Variants in SYT16 observed in about 807,000 individuals in gnomAD.
The protein encoded by SYT16 is synaptotagmin 16.
A neutral mutation model predicts 61.4 loss-of-function variants in SYT16; 42 were observed. The observed-to-expected ratio is 0.68, with a 90% CI of 0.53 to 0.89. The LOEUF is 0.89. Among genes scored for constraint, SYT16 ranks in the 40% least tolerant of loss-of-function variants. SYT16 has a pLI of 0.00. For synonymous variants in SYT16, 314 were observed against 302.3 expected, an observed-to-expected ratio of 1.04 and a Z score of -0.40; for missense variants, 804 against 807.3, an observed-to-expected ratio of 1.00 and a Z score of 0.05.
chr14:62,084,220 T>A lies in SYT16; in HGVS notation c.1459T>A (p.Ser487Thr). ...ISSGGSPLSPSAVSHSDSTSS... is the reference protein window; with the variant it reads ...ISSGGSPLSPTAVSHSDSTSS... ...GAGTGGAGGGTCTCCGCTCAGCCCA[T>A]CTGCGGTTTCTCACAGTGATAGTAC... The change falls in exon 7 of 8, where the codon TCT becomes ACT. Residue 487 changes from serine to threonine, a missense_variant. By Grantham distance (58) the Ser-to-Thr change is moderately conservative. Coordinates refer to ENST00000683842, the MANE Select transcript of SYT16 (RefSeq NM_001367656.1). 2 of 1,613,842 alleles carry A rather than the reference T, an allele frequency of 1.2e-6. No homozygotes were observed. Among genetic ancestry groups the A allele is most frequent in the Non-Finnish European group, 1.7e-6 (2 of 1,179,822 alleles).
chr14:62,008,331 C>A (rs1183222516), intron 3 of SYT16, among the ~76,000 whole-genome samples: 1 of 152,066 alleles, frequency 6.6e-6, no homozygotes, highest in African/African-American at 2.4e-5. Flanking sequence ...ATGCTAAGGG[C>A]TGGTCTAGGT....
intron 1 of SYT16, among the ~76,000 whole-genome samples, chr14:61,911,751 C>T (rs1034588455): frequency 2.2e-4 from 33 of 152,164 alleles, no homozygotes; most frequent in Admixed American, 1.4e-3. Flanking sequence ...ATTGGCCACT[C>T]GGTGCAGTGA....
At chr14:61,898,261 T>G (rs942933892) in intron 1 of SYT16, among the ~76,000 whole-genome samples, 1 of 152,196 alleles carries the variant, frequency 6.6e-6, no homozygotes, top group Non-Finnish European at 1.5e-5. Flanking sequence ...ACTCCTACCT[T>G]ATCCTAGTTT....
intron 2 of SYT16, among the ~76,000 whole-genome samples, chr14:61,971,236 T>C (rs1186161880): frequency 6.6e-6 from 1 of 152,206 alleles, no homozygotes; most frequent in Non-Finnish European, 1.5e-5. Flanking sequence ...TTATAACAAA[T>C]TATCCCAAGA....
intron 1 of SYT16, among the ~76,000 whole-genome samples, 175 bp from the exon 2 acceptor site, chr14:61,969,957 T>A (rs1453846150): frequency 1.3e-5 from 2 of 152,186 alleles, no homozygotes; most frequent in Non-Finnish European, 2.9e-5. Flanking sequence ...GTCCTTTTCC[T>A]TTCCCCAGTA....
At chr14:62,043,981 A>G (rs1397059307) in intron 3 of SYT16, among the ~76,000 whole-genome samples, 1 of 152,130 alleles carries the variant, frequency 6.6e-6, no homozygotes, top group Non-Finnish European at 1.5e-5. Context: ...CCTATGCTAT[A>G]GGCTCTTATT....
At chr14:61,984,266 T>C (rs2052209969) in intron 2 of SYT16, among the ~76,000 whole-genome samples, 1 of 152,150 alleles carries the variant, frequency 6.6e-6, no homozygotes, top group Admixed American at 6.6e-5. Context: ...ATTTTTCCTA[T>C]TGTTTGTTTT....
At chr14:62,043,888 GTTT>G in intron 3 of SYT16, among the ~76,000 whole-genome samples, 1 of 150,618 alleles carries the variant, frequency 6.6e-6, no homozygotes, top group Non-Finnish European at 1.5e-5. Flanking sequence ...ACTGAGGCTA[GTTT>G]AGAACTCCTG....
At chr14:62,059,156 A>G (rs868067492) in intron 3 of SYT16, among the ~76,000 whole-genome samples, 1 of 152,106 alleles carries the variant, frequency 6.6e-6, no homozygotes. Flanking sequence ...AATAATCTGT[A>G]CAAAAAAACC....
At chr14:62,069,899 G>C in intron 4 of SYT16, 84 bp downstream of exon 4, 1 of 1,411,954 alleles carries the variant, frequency 7.1e-7, no homozygotes, top group South Asian at 1.3e-5. Context: ...TCTGCACTCT[G>C]CATCTGAGAG....
At chr14:61,934,834 G>T (rs775514373) in intron 1 of SYT16, among the ~76,000 whole-genome samples, 10 of 152,138 alleles carry the variant, frequency 6.6e-5, no homozygotes, top group Admixed American at 3.3e-4. Context: ...TAATTCATTT[G>T]TAACCCATAG....
chr14:61,993,697 T>C (rs1378820757), intron 2 of SYT16, among the ~76,000 whole-genome samples: 2 of 152,052 alleles, frequency 1.3e-5, no homozygotes, highest in Non-Finnish European at 2.9e-5. Context: ...ATGTAACAAA[T>C]GGCAAAAGGA....
At chr14:61,906,354 C>A (rs1026683675) in intron 1 of SYT16, among the ~76,000 whole-genome samples, 12 of 152,304 alleles carry the variant, frequency 7.9e-5, no homozygotes, top group African/African-American at 2.2e-4. Context: ...GCAGTCATGG[C>A]TTGCTGTAGC....
intron 3 of SYT16, among the ~76,000 whole-genome samples, chr14:62,012,612 C>T (rs936967620): frequency 6.6e-6 from 1 of 152,184 alleles, no homozygotes; most frequent in African/African-American, 2.4e-5. Flanking sequence ...TTAGCATCTT[C>T]TTACCACAGG....
chr14:61,985,977 T>C (rs561508751), intron 2 of SYT16, among the ~76,000 whole-genome samples: 3 of 152,178 alleles, frequency 2.0e-5, no homozygotes, highest in Non-Finnish European at 4.4e-5. Context: ...CTTTAGAATG[T>C]TATCTTCAGA....
chr14:62,064,022 G>T (rs2055945624), intron 3 of SYT16, among the ~76,000 whole-genome samples: 1 of 152,234 alleles, frequency 6.6e-6, no homozygotes, highest in East Asian at 1.9e-4. Context: ...CCACATTTAC[G>T]ATAATTGTGT....
chr14:62,013,686 C>T (rs545933379), intron 3 of SYT16, among the ~76,000 whole-genome samples: 3 of 152,276 alleles, frequency 2.0e-5, no homozygotes, highest in East Asian at 3.9e-4. Flanking sequence ...GACTATTCGG[C>T]CAAGTGCGGT....
intron 3 of SYT16, among the ~76,000 whole-genome samples, chr14:62,030,081 A>C (rs1163253751): frequency 6.6e-6 from 1 of 152,212 alleles, no homozygotes; most frequent in African/African-American, 2.4e-5. Flanking sequence ...TCTTCCATGA[A>C]GAGGCATCAG....
chr14:61,890,762 T>C (rs1417790260), intron 1 of SYT16, among the ~76,000 whole-genome samples: 1 of 152,174 alleles, frequency 6.6e-6, no homozygotes, highest in Non-Finnish European at 1.5e-5. Context: ...TGGGATTGTA[T>C]TGAACAGTTT....
Sources: allele counts gnomAD v4.1 joint callset (sites outside exome capture counted in the v4.1 genomes callset), GRCh38; gene constraint gnomAD v4.1.1; transcripts MANE v1.5; gene names NCBI Gene and HGNC (gene_info 2026-07-23, HGNC 2026-07-21).